MOV10L1: variants seen among roughly 807,000 people sequenced by gnomAD.
The protein encoded by MOV10L1 is RNA helicase Mov10l1.
Under a neutral mutation model 143.8 loss-of-function variants are expected in MOV10L1, and 110 were observed. The ratio of observed to expected loss-of-function variants is 0.76; its 90% CI spans 0.66 to 0.90. The LOEUF is 0.90. MOV10L1 is among the 40% of genes least tolerant of loss of function. The pLI is 0.00. For synonymous variants in MOV10L1, 593 were observed against 581.1 expected, an observed-to-expected ratio of 1.02 and a Z score of -0.29; for missense variants, 1,406 against 1,526.8, an observed-to-expected ratio of 0.92 and a Z score of 1.32.
chr22:50,153,140 C>A lies in MOV10L1; in HGVS notation c.2988C>A (p.Asp996Glu). 6.2e-7 allele frequency: 1 copy of A among 1,614,106 alleles called. No homozygotes were observed. The highest frequency in any genetic ancestry group is 8.5e-7 in the Non-Finnish European group (1 of 1,179,974). Residue 996 changes from aspartate to glutamate, a missense_variant, in exon 22 of 27, where the codon GAC (aspartate) becomes GAA (glutamate). Physicochemically the swap from Asp to Glu is conservative, Grantham distance 45 (BLOSUM62 2). This residue lies in a region of MOV10L1 where 1,233 missense variants were observed against 1,351.4 expected (regional missense o/e 0.91). Transcript: ENST00000262794. The stretch of plus-strand genomic sequence containing the variant: ...ACAGGGAACTCGAGGTCTGTGCGGA[C>A]CCCACAGTGGTGACCTCCTTGCTGG... ...FYHRELEVCA[D>E]PTVVTSLLGW...
At chr22:50,090,257 T>G (rs1382927186) in intron 1 of MOV10L1, 72 bp downstream of exon 1, 12 of 1,418,602 alleles carry the variant, frequency 8.5e-6, no homozygotes, top group Non-Finnish European at 8.3e-6. Flanking sequence ...GCCGCGCCCA[T>G]AGGTCTTTGA....
chr22:50,107,655 C>A (rs539484398), intron 3 of MOV10L1, among the ~76,000 whole-genome samples: 1 of 152,222 alleles, frequency 6.6e-6, no homozygotes, highest in Non-Finnish European at 1.5e-5. Flanking sequence ...GGAGGCCCAG[C>A]GGTGTCTTGC....
rs181222411 is a variant in MOV10L1 at position 50,114,108 on chromosome 22, C to T, written c.885-273C>T. ...TAATTTTTTGTATTTTTAGTAGAGA[C>T]GGGGTTTCACCGTGTTAGCCAGGAT... On this transcript the variant is annotated intron_variant, in intron 6 of 26. Transcript: ENST00000262794. Among the ~76,000 whole-genome samples the T allele has an allele frequency of 3.5e-3, 524 of 151,662 alleles. 4 individuals carry two copies. Among genetic ancestry groups the T allele is most frequent in the Middle Eastern group, 0.017 (5 of 292 alleles).
rs1349226790 is a variant in MOV10L1, at chr22:50,149,705, C to T, written c.2718C>T (p.Ile906=). 7 of 1,613,412 alleles carry T rather than the reference C, an allele frequency of 4.3e-6. No individual in the cohort carries two copies. The highest frequency in any genetic ancestry group is 5.9e-6 in the Non-Finnish European group (7 of 1,179,654). The part of the protein sequence containing the change: ...CLIPLGLMSD[I]SGQIVLAGDP... The stretch of plus-strand genomic sequence containing the variant: ...TTCCTCTGGGGCTGATGTCGGACAT[C>T]AGTGGCCAGGTAAGTCCCGACTACT... The change falls in exon 20 of 27, where the codon ATC becomes ATT. Residue 906 remains isoleucine, a synonymous_variant. Coordinates refer to ENST00000262794, the MANE Select transcript of MOV10L1 (RefSeq NM_018995.3).
chr22:50,127,652 G>A (rs771726197), intron 12 of MOV10L1, among the ~76,000 whole-genome samples: 18 of 152,224 alleles, frequency 1.2e-4, no homozygotes, highest in Non-Finnish European at 2.4e-4. Flanking sequence ...TCAGATCAGG[G>A]CTTTCCTTCT....
Position 50,144,620 on chromosome 22 carries a change from C to T in MOV10L1, c.2505+377C>T, listed in dbSNP as rs113464463. On this transcript the variant is annotated intron_variant, in intron 18 of 26. Coordinates refer to ENST00000262794, the MANE Select transcript of MOV10L1 (RefSeq NM_018995.3). The stretch of plus-strand genomic sequence containing the variant: ...TTTTTGAGACGGAGTCTCGCTGTGT[C>T]GCCCAGGCTGAAGTGCAGTGGCATG... Among the ~76,000 whole-genome samples the T allele has an allele frequency of 2.5e-3, 368 of 150,194 alleles. 3 individuals carry two copies. The highest frequency in any genetic ancestry group is 0.01 in the Admixed American group (152 of 14,944).
chr22:50,144,453 G>C (rs2063079642), intron 18 of MOV10L1, among the ~76,000 whole-genome samples: 1 of 152,194 alleles, frequency 6.6e-6, no homozygotes, highest in African/African-American at 2.4e-5. Context: ...CTCACTCTGT[G>C]TGAGTTATCA....
intron 19 of MOV10L1, among the ~76,000 whole-genome samples, chr22:50,146,077 G>A (rs2063144877): frequency 6.6e-6 from 1 of 152,168 alleles, no homozygotes; most frequent in African/African-American, 2.4e-5. Flanking sequence ...GGAGCACTGA[G>A]GTCTCCCCAA....
intron 10 of MOV10L1, among the ~76,000 whole-genome samples, chr22:50,121,804 G>C (rs550259785): frequency 7.2e-5 from 11 of 152,326 alleles, no homozygotes; most frequent in African/African-American, 2.6e-4. Flanking sequence ...CCACCGACTT[G>C]ATGTTTTGAT....
Position 50,159,758 on chromosome 22 carries a change from A to G in MOV10L1, c.3297A>G (p.Gln1099=), listed in dbSNP as rs1445648406. The G allele has an allele frequency of 2.5e-6, 4 of 1,612,622 alleles. No individual in the cohort carries two copies. In the South Asian group the frequency reaches 3.3e-5, roughly 13 times the overall value. The change falls in exon 24 of 27, where the codon CAA becomes CAG. Residue 1099 remains glutamine (Q), a synonymous_variant. Transcript: ENST00000262794. This position sits in a 1 kb window ranked among gnomAD's most constrained non-coding sequence, Gnocchi z 4.1. ...KVGSVEEFQG[Q]EYLVIIISTV... ...GATCAGTAGAGGAGTTTCAAGGACA[A>G]GAGTATCTGGTCATCATCATTTCGA...
In MOV10L1 at chr22:50,160,952, T is replaced by A. The variant is rs746694439; in HGVS notation, c.3463-12T>A. The A allele has an allele frequency of 6.2e-7, 1 of 1,614,080 alleles. No homozygotes were observed. The highest frequency in any genetic ancestry group is 1.1e-5 in the South Asian group (1 of 91,076). ...CTTGCTCTCACACCAGGCTAATTGTTATTGCCAACAGGACCCCTGTTTTGG... is the reference window on the plus strand; with the variant it reads ...CTTGCTCTCACACCAGGCTAATTGTAATTGCCAACAGGACCCCTGTTTTGG... On this transcript the variant is annotated splice_polypyrimidine_tract_variant and intron_variant, in intron 25 of 26. Transcript: ENST00000262794.
intron 6 of MOV10L1, 112 bp downstream of exon 6, chr22:50,113,900 T>G: frequency 1.1e-6 from 1 of 942,500 alleles, no homozygotes; most frequent in Non-Finnish European, 1.4e-6. Context: ...TTTTTCTTTA[T>G]GAAGATCTTT....
rs1485516213 is a variant in MOV10L1 at position 50,117,246 on chromosome 22, AG to A, written c.1351del (p.Glu451SerfsTer3). On this transcript the variant is annotated frameshift_variant, in exon 9 of 27. Coordinates refer to ENST00000262794, the MANE Select transcript of MOV10L1 (RefSeq NM_018995.3). LOFTEE classifies it high-confidence loss of function. ...RYLEVNVISG[E>X]ESLIAAREPF... ...CTTGAAGTAAATGTTATCAGTGGGG[AG>A]GAGTCACTAATTGCTGCGCGCGAAC... 6.2e-7 allele frequency: 1 copy of A among 1,614,052 alleles called. No individual in the cohort carries two copies. The highest frequency in any genetic ancestry group is 8.5e-7 in the Non-Finnish European group (1 of 1,180,016).
chr22:50,113,453 T>C (rs1161191790), intron 5 of MOV10L1, among the ~76,000 whole-genome samples, 195 bp from the exon 6 acceptor site: 1 of 152,166 alleles, frequency 6.6e-6, no homozygotes, highest in Non-Finnish European at 1.5e-5. Flanking sequence ...CCCTTTTCTC[T>C]AGACTTTATG....
At chr22:50,124,711 T>C (rs138238) in intron 10 of MOV10L1, among the ~76,000 whole-genome samples, 83,351 of 151,978 alleles carry the variant, frequency 0.55, 23,377 homozygotes, top group Admixed American at 0.65. Flanking sequence ...CTGATGGTCC[T>C]GAGTGGGTCC....
intron 15 of MOV10L1, among the ~76,000 whole-genome samples, chr22:50,140,729 C>CTTT (rs3042026): frequency 5.7e-4 from 84 of 147,746 alleles, no homozygotes; most frequent in Admixed American, 1.3e-3. Context: ...TAACGTGAAA[C>CTTT]TTTTTTTTTT....
At chr22:50,095,621 TTAAGA>T in intron 2 of MOV10L1, 1 of 152,300 alleles carries the variant, frequency 6.6e-6, no homozygotes, top group East Asian at 1.9e-4. Flanking sequence ...CCCGTTGATT[TTAAGA>T]TACACCATTA....
intron 9 of MOV10L1, among the ~76,000 whole-genome samples, chr22:50,119,963 A>G (rs1051411657): frequency 2.0e-5 from 3 of 151,910 alleles, no homozygotes; most frequent in Admixed American, 6.6e-5. Context: ...TCCCTTTCCC[A>G]TTGTTTCTGT....
chr22:50,148,554 C>T (rs1166142615), intron 19 of MOV10L1, among the ~76,000 whole-genome samples: 7 of 152,196 alleles, frequency 4.6e-5, no homozygotes, highest in Admixed American at 2.6e-4. Context: ...AAGGAAGAGC[C>T]GGACAGGTAC....
Sources: allele counts gnomAD v4.1 joint callset (sites outside exome capture counted in the v4.1 genomes callset), GRCh38; gene constraint gnomAD v4.1.1; regional missense constraint gnomAD v4.1.1; non-coding constraint Gnocchi (gnomAD v3.1); transcripts MANE v1.5; gene names NCBI Gene and HGNC (gene_info 2026-07-23, HGNC 2026-07-21).